Variants in RBFOX1 observed in about 807,000 individuals in gnomAD.
The protein encoded by RBFOX1 is RNA binding protein fox-1 homolog 1.
A neutral mutation model predicts 57.7 loss-of-function variants in RBFOX1; 8 were observed. That is an observed-to-expected ratio of 0.14 (90% CI 0.08 to 0.25). The LOEUF (loss-of-function observed/expected upper bound fraction) is 0.25, where lower values mean the gene tolerates loss of function less well. RBFOX1 is among the 10% of genes least tolerant of loss of function. The pLI is 1.00. For synonymous variants in RBFOX1, 326 were observed against 222.4 expected (o/e 1.47, Z -4.15); for missense variants, 611 against 548.5 (o/e 1.11, Z -1.14).
chr16:5,926,479 C>G (rs1404129196), intron 4 of RBFOX1, among the ~76,000 whole-genome samples: 4 of 152,240 alleles, frequency 2.6e-5, no homozygotes, highest in African/African-American at 7.2e-5. Flanking sequence ...GCCAGAAGTC[C>G]TGCAGTGAGT....
At position 6,898,613 on chromosome 16, in the gene RBFOX1, G is replaced by A. The variant is rs560592135; in HGVS notation, c.-15-153444G>A. On this transcript the variant is annotated intron_variant, in intron 3 of 15. Coordinates refer to ENST00000550418, the MANE Select transcript of RBFOX1 (RefSeq NM_018723.4). ...CGTGGGAGTAACATAAAAGGAAGTA[G>A]GTTATTTTTAAAATACTGGAGTGTT... is the stretch of plus-strand genomic sequence containing the variant. Among the ~76,000 whole-genome samples, 8 of 152,214 alleles carry A rather than the reference G, an allele frequency of 5.3e-5. No homozygotes were observed. The South Asian group carries it at 1.7e-3, about 32-fold the overall frequency.
At chr16:5,476,941 A>T (rs1009622683) in intron 2 of RBFOX1, among the ~76,000 whole-genome samples, 3 of 152,180 alleles carry the variant, frequency 2.0e-5, no homozygotes, top group African/African-American at 7.2e-5. Context: ...GCACATACTA[A>T]ACTTTTTGTA....
intron 1 of RBFOX1, among the ~76,000 whole-genome samples, chr16:5,328,248 G>T (rs1353616478): frequency 6.6e-6 from 1 of 152,234 alleles, no homozygotes; most frequent in Admixed American, 6.5e-5. Context: ...TTTTAAAGGG[G>T]CCCCTAATCC....
chr16:6,514,141 G>C (rs1017564455), intron 2 of RBFOX1, among the ~76,000 whole-genome samples: 1 of 152,232 alleles, frequency 6.6e-6, no homozygotes, highest in African/African-American at 2.4e-5. Context: ...TAGGTGTCAC[G>C]TTCCATCCAG....
intron 4 of RBFOX1, among the ~76,000 whole-genome samples, chr16:5,904,094 T>G (rs2058379953): frequency 6.6e-6 from 1 of 152,194 alleles, no homozygotes; most frequent in South Asian, 2.1e-4. Context: ...TGTGTCATGA[T>G]TAGTATGCAG....
intron 2 of RBFOX1, among the ~76,000 whole-genome samples, chr16:6,361,938 A>T (rs759784733): frequency 1.3e-5 from 2 of 152,110 alleles, no homozygotes; most frequent in Non-Finnish European, 2.9e-5. Context: ...AACACTTCTC[A>T]TGAAGTCCCT....
chr16:6,877,228 T>C (rs1270863667), intron 3 of RBFOX1, among the ~76,000 whole-genome samples: 1 of 152,218 alleles, frequency 6.6e-6, no homozygotes. Context: ...ATACAGTCCA[T>C]ATTTCATAAA....
chr16:5,527,660 T>C (rs1187301032), intron 2 of RBFOX1, among the ~76,000 whole-genome samples: 1 of 152,082 alleles, frequency 6.6e-6, no homozygotes, highest in Admixed American at 6.6e-5. Context: ...TTTAGGATGG[T>C]TTTTTGGGTT....
intron 4 of RBFOX1, among the ~76,000 whole-genome samples, chr16:7,465,994 G>A (rs74426293): frequency 0.017 from 2,540 of 152,264 alleles, 28 homozygotes; most frequent in Middle Eastern, 0.048. Flanking sequence ...AGATCTCATC[G>A]TTCCAGTTTT....
chr16:6,335,497 A>C (rs2152814705), intron 2 of RBFOX1, among the ~76,000 whole-genome samples: 1 of 152,214 alleles, frequency 6.6e-6, no homozygotes, highest in Non-Finnish European at 1.5e-5. Flanking sequence ...ATAAAAAATC[A>C]GGCCGGGCGC....
intron 1 of RBFOX1, among the ~76,000 whole-genome samples, chr16:5,419,977 C>T (rs1478911084): frequency 5.3e-5 from 8 of 152,040 alleles, no homozygotes; most frequent in South Asian, 2.1e-4. Context: ...CTGCAGATAC[C>T]AGCCCAGCTC....
At chr16:6,717,068 A>G (rs2064978912) in intron 3 of RBFOX1, among the ~76,000 whole-genome samples, 1 of 152,202 alleles carries the variant, frequency 6.6e-6, no homozygotes, top group African/African-American at 2.4e-5. Context: ...TGTGCAAACC[A>G]AGAGTTCCCT....
chr16:6,613,253 T>C (rs1037490850), intron 2 of RBFOX1, among the ~76,000 whole-genome samples: 1 of 152,078 alleles, frequency 6.6e-6, no homozygotes, highest in Admixed American at 6.6e-5. Context: ...TGCTTGGCTG[T>C]CATCTTTGCT....
chr16:6,715,074 A>C, intron 3 of RBFOX1, among the ~76,000 whole-genome samples: 1 of 152,252 alleles, frequency 6.6e-6, no homozygotes, highest in Non-Finnish European at 1.5e-5. Context: ...TCCTTCTCCT[A>C]AAGTCTGTGT....
At position 7,055,512 on chromosome 16, in the gene RBFOX1, A is replaced by G. The variant is rs565847491; in HGVS notation, c.27+3414A>G. Among the ~76,000 whole-genome samples the G allele has an allele frequency of 5.3e-5, 8 of 152,248 alleles. No homozygotes were observed. The South Asian group carries it at 1.7e-3, about 32-fold the overall frequency. ...CATCTACCCCATATCACGTTCTCACAGGGCAGCACTCTCATCAGAAGGAAG... is the reference window on the plus strand; with the variant it reads ...CATCTACCCCATATCACGTTCTCACGGGGCAGCACTCTCATCAGAAGGAAG... On this transcript the variant is annotated intron_variant, in intron 4 of 15. Transcript: ENST00000550418.
intron 3 of RBFOX1, among the ~76,000 whole-genome samples, chr16:6,713,674 C>T (rs1196863544): frequency 6.6e-6 from 1 of 152,186 alleles, no homozygotes; most frequent in Non-Finnish European, 1.5e-5. Context: ...GCCCAAACAT[C>T]CCCTGTCCTC....
intron 2 of RBFOX1, among the ~76,000 whole-genome samples, chr16:6,614,933 G>T (rs1475647269): frequency 6.6e-6 from 1 of 152,120 alleles, no homozygotes; most frequent in Non-Finnish European, 1.5e-5. Context: ...GTATCTTTTT[G>T]TTGCTAACAG....
intron 4 of RBFOX1, among the ~76,000 whole-genome samples, chr16:7,443,535 G>T (rs533905017): frequency 1.3e-5 from 2 of 151,382 alleles, no homozygotes. Flanking sequence ...CAACAACCTT[G>T]TTGGTGTAAT....
intron 4 of RBFOX1, among the ~76,000 whole-genome samples, chr16:7,180,556 T>A (rs1567594879): frequency 6.6e-6 from 1 of 152,126 alleles, no homozygotes; most frequent in Non-Finnish European, 1.5e-5. Context: ...GGCTGATAAA[T>A]GAGGTGACAT....
Sources: allele counts gnomAD v4.1 joint callset (sites outside exome capture counted in the v4.1 genomes callset), GRCh38; gene constraint gnomAD v4.1.1; transcripts MANE v1.5; gene names NCBI Gene and HGNC (gene_info 2026-07-23, HGNC 2026-07-21).